SOS2: variants seen among roughly 807,000 people sequenced by gnomAD.
The protein encoded by SOS2 is son of sevenless homolog 2.
Under a neutral mutation model 148.2 loss-of-function variants are expected in SOS2, and 65 were observed. The observed-to-expected ratio is 0.44, with a 90% CI of 0.36 to 0.54. The LOEUF is 0.54. Ranked by LOEUF, SOS2 falls within the 20% of genes least tolerant of loss-of-function variation. SOS2 has a pLI of 0.00. For missense variants in SOS2, 1,341 were observed against 1,590.2 expected (o/e 0.84, Z 2.67); for synonymous variants, 539 against 537.1 (o/e 1.00, Z -0.05).
At chr14:50,175,179 A>G (rs1435414235) in intron 7 of SOS2, among the ~76,000 whole-genome samples, 2 of 152,192 alleles carry the variant, frequency 1.3e-5, no homozygotes, top group Non-Finnish European at 2.9e-5. Flanking sequence ...CTGACATATT[A>G]CATCAAGGTA....
intron 21 of SOS2, among the ~76,000 whole-genome samples, chr14:50,128,802 G>A (rs1490125891): frequency 6.6e-6 from 1 of 152,030 alleles, no homozygotes; most frequent in Non-Finnish European, 1.5e-5. Flanking sequence ...GGAGGACAGG[G>A]TCTTGCTATG....
chr14:50,219,528 T>C (rs1400006737), intron 1 of SOS2, among the ~76,000 whole-genome samples: 2 of 151,558 alleles, frequency 1.3e-5, no homozygotes, highest in Non-Finnish European at 2.9e-5. Flanking sequence ...CTCCTGAGAG[T>C]GGGGAGAAAT....
chr14:50,122,985 T>C (rs1464742425), intron 21 of SOS2, among the ~76,000 whole-genome samples: 4 of 152,164 alleles, frequency 2.6e-5, no homozygotes, highest in Admixed American at 6.6e-5. Flanking sequence ...TTCACGTCCT[T>C]ATGGAACTTA....
intron 1 of SOS2, among the ~76,000 whole-genome samples, chr14:50,212,031 G>A (rs1465040633): frequency 1.3e-5 from 2 of 152,122 alleles, no homozygotes; most frequent in African/African-American, 4.8e-5. Flanking sequence ...AAAAATGTTG[G>A]CAGAAAGAAG....
chr14:50,151,604 G>A (rs1884665768), intron 13 of SOS2, among the ~76,000 whole-genome samples: 1 of 152,158 alleles, frequency 6.6e-6, no homozygotes, highest in Non-Finnish European at 1.5e-5. Flanking sequence ...AGTATAACTA[G>A]TATAGAAAAG....
chr14:50,138,575 A>C, intron 18 of SOS2, 37 bp downstream of exon 18: 1 of 1,142,744 alleles, frequency 8.8e-7, no homozygotes, highest in Non-Finnish European at 1.2e-6. Context: ...ACCCATTAAC[A>C]CGTTCTCTTC....
intron 19 of SOS2, among the ~76,000 whole-genome samples, chr14:50,133,249 C>CTTTTTTTTTTTTTTTTTT: frequency 9.5e-6 from 1 of 105,634 alleles, no homozygotes; most frequent in South Asian, 3.1e-4. Flanking sequence ...TTTCTTTTTT[C>CTTTTTTTTTTTTTTTTTT]TTTTTTTTTT....
chr14:50,214,946 C>T (rs1414425223), intron 1 of SOS2, among the ~76,000 whole-genome samples: 6 of 151,794 alleles, frequency 4.0e-5, no homozygotes, highest in Non-Finnish European at 8.8e-5. Flanking sequence ...CGCCATTCTC[C>T]TGCCTCGGCC....
chr14:50,170,043 A>G (rs904994925), intron 8 of SOS2, among the ~76,000 whole-genome samples: 7 of 151,702 alleles, frequency 4.6e-5, no homozygotes, highest in South Asian at 2.1e-4. Context: ...CTCCTGCCTC[A>G]GCCTCCCTAG....
intron 1 of SOS2, among the ~76,000 whole-genome samples, chr14:50,207,845 G>A (rs915667347): frequency 2.7e-5 from 4 of 150,226 alleles, no homozygotes; most frequent in Non-Finnish European, 4.4e-5. Context: ...GACAGACGCT[G>A]CCGTGAGCTG....
chr14:50,159,411 T>A lies in SOS2; in HGVS notation c.1852+20A>T. ...TGGGTCCCAGGCCCTAGGTCAGCAG[T>A]TGTAATGAGTTTCACATACCTGCAT... On this transcript the variant is annotated intron_variant, in intron 10 of 22. Coordinates refer to ENST00000216373, the MANE Select transcript of SOS2 (RefSeq NM_006939.4). 6.5e-7 allele frequency: 1 copy of A among 1,536,222 alleles called. No homozygotes were observed. Among genetic ancestry groups the A allele is most frequent in the Non-Finnish European group, 8.8e-7 (1 of 1,130,802 alleles).
chr14:50,159,585 T>A lies in SOS2; in HGVS notation c.1698A>T (p.Arg566Ser), dbSNP rs767419669. The A allele has an allele frequency of 5.6e-6, 9 of 1,613,974 alleles. No individual in the cohort carries two copies. The highest frequency in any genetic ancestry group is 1.7e-5 in the Admixed American group (1 of 60,004). ...LLKEENEQPL[R>S]LPSPEVYRFV... ...AACGATATACTTCAGGACTTGGTAA[T>A]CTCAGTGGTTGCTCATTTTCTTCTT... Residue 566 changes from arginine to serine, a missense_variant, in exon 10 of 23, where the codon AGA becomes AGT. By Grantham distance (110) the Arg-to-Ser change is moderately radical (BLOSUM62 -1). Coordinates refer to ENST00000216373, the MANE Select transcript of SOS2 (RefSeq NM_006939.4).
intron 4 of SOS2, among the ~76,000 whole-genome samples, chr14:50,193,867 C>T (rs1381149769): frequency 6.6e-6 from 1 of 151,990 alleles, no homozygotes; most frequent in Admixed American, 6.6e-5. Flanking sequence ...GCCTCAGCCT[C>T]CTGAGTAGCT....
At chr14:50,150,645 T>C (rs1468515791) in intron 13 of SOS2, among the ~76,000 whole-genome samples, 1 of 151,808 alleles carries the variant, frequency 6.6e-6, no homozygotes, top group East Asian at 1.9e-4. Context: ...TATTGCAACT[T>C]CCATGTTGCG....
intron 8 of SOS2, among the ~76,000 whole-genome samples, chr14:50,167,929 C>CT (rs1395032598): frequency 6.6e-6 from 1 of 151,248 alleles, no homozygotes; most frequent in East Asian, 1.9e-4. Context: ...ATTTCTGTAA[C>CT]TTTTTTCTGT....
chr14:50,199,421 T>C (rs994407517), intron 4 of SOS2, among the ~76,000 whole-genome samples: 4 of 152,188 alleles, frequency 2.6e-5, no homozygotes, highest in Non-Finnish European at 5.9e-5. Flanking sequence ...TTTCTAAAAA[T>C]ATAAAACTGA....
At chr14:50,211,212 G>A (rs1886859383) in intron 1 of SOS2, among the ~76,000 whole-genome samples, 1 of 152,086 alleles carries the variant, frequency 6.6e-6, no homozygotes. Flanking sequence ...AAAATAAGAA[G>A]TCAAATTCTC....
At chr14:50,154,069 G>A (rs1450584395) in intron 12 of SOS2, among the ~76,000 whole-genome samples, 1 of 151,910 alleles carries the variant, frequency 6.6e-6, no homozygotes, top group African/African-American at 2.4e-5. Context: ...GGAAAGGAAA[G>A]GAAAGACAAG....
In SOS2 at chr14:50,130,124, T is replaced by C. The variant is rs1475076363; in HGVS notation, c.3338-122A>G. 4 of 646,114 alleles carry C rather than the reference T, an allele frequency of 6.2e-6. No individual in the cohort carries two copies. The East Asian group carries it at 1.2e-4, about 19-fold the overall frequency. The allele number at this position is 646,114 out of a possible 1,614,324, so 40.0% of individuals were successfully genotyped here. Reference sequence around the variant, plus strand: ...ATTTTATCATCATCTTTTGCCATGTTAGTTTTTTAAAAAATTAACTCAGAA... The same window carrying C: ...ATTTTATCATCATCTTTTGCCATGTCAGTTTTTTAAAAAATTAACTCAGAA... On this transcript the variant is annotated intron_variant, in intron 20 of 22. Coordinates refer to ENST00000216373, the MANE Select transcript of SOS2 (RefSeq NM_006939.4).
Sources: gnomAD v4.1 joint callset for allele counts (sites outside exome capture counted in the v4.1 genomes callset) on GRCh38, gnomAD v4.1.1 for gene constraint, MANE v1.5 for transcripts, NCBI Gene and HGNC (gene_info 2026-07-23, HGNC 2026-07-21) for gene names.